The following EVC variants were observed in gnomAD, a reference collection of about 807,000 sequenced individuals.
EVC encodes the protein evC complex member EVC.
Under a neutral mutation model 118.9 loss-of-function variants are expected in EVC, and 116 were observed. The ratio of observed to expected loss-of-function variants is 0.98; its 90% CI spans 0.84 to 1.14. EVC has a LOEUF of 1.14. Ranked by LOEUF, EVC falls within the 50% of genes most tolerant of loss-of-function variation. The pLI is 0.00. For synonymous variants in EVC, 619 were observed against 534.7 expected (o/e 1.16, Z -2.18); for missense variants, 1,401 against 1,246.4 (o/e 1.12, Z -1.87).
chr4:5,723,570 C>T (rs867415873), intron 2 of EVC, among the ~76,000 whole-genome samples: 1 of 152,132 alleles, frequency 6.6e-6, no homozygotes, highest in Non-Finnish European at 1.5e-5. Flanking sequence ...TTGCTTTTCT[C>T]TCATGGTCAT....
the EVC span, chr4:5,820,798 TTTTC>T: frequency 6.8e-6 from 1 of 146,000 alleles, no homozygotes; most frequent in Non-Finnish European, 1.5e-5. Context: ...GGGCAGTTCA[TTTTC>T]TTTATTTTTT....
chr4:5,793,511 ACG>A lies in EVC; in HGVS notation c.1777-95_1777-94del, dbSNP rs1713175675. On this transcript the variant is annotated intron_variant, in intron 12 of 20. Coordinates refer to ENST00000264956, the MANE Select transcript of EVC (RefSeq NM_153717.3). ...GGGCAGAAAGGGATTTAAAAAAGAAACGCACACAAACAAGAAACAAAATGCAC... is the reference window on the plus strand; with the variant it reads ...GGGCAGAAAGGGATTTAAAAAAGAAACACACAAACAAGAAACAAAATGCAC... 4 of 1,017,934 alleles carry A rather than the reference ACG, an allele frequency of 3.9e-6. No individual in the cohort carries two copies. In the South Asian group the frequency reaches 5.5e-5, roughly 14 times the overall value. 63.1% of individuals were successfully genotyped at this position (1,017,934 alleles called of 1,614,324 possible).
At position 5,755,623 on chromosome 4, in the gene EVC, G is replaced by A. The variant is rs138113465; in HGVS notation, c.1465-641G>A. ...GCCTGGCTCCCCATCTTCCCTCCAA[G>A]GAGTCCTTCCTTGTCCTTAGAGACT... On this transcript the variant is annotated intron_variant, in intron 10 of 20. Coordinates refer to ENST00000264956, the MANE Select transcript of EVC (RefSeq NM_153717.3). The surrounding 1 kb of genome is among the most constrained non-coding windows in gnomAD (Gnocchi z 4.1). 7.0e-4 allele frequency among the ~76,000 whole-genome samples: 107 copies of A among 152,164 alleles called. 2 individuals carry two copies. The highest frequency in any genetic ancestry group is 1.2e-3 in the Non-Finnish European group (81 of 67,968).
At chr4:5,827,663 C>CAA in the EVC span, among the ~76,000 whole-genome samples, 1 of 152,010 alleles carries the variant, frequency 6.6e-6, no homozygotes. Flanking sequence ...TCCCCATATG[C>CAA]ACACATACAC....
rs189921511 is a variant in EVC, at chr4:5,813,771, G to A, written c.*2734G>A. On this transcript the variant is annotated 3_prime_UTR_variant, in exon 21 of 21. Transcript: ENST00000264956. ...CTGTCGCATGGAGCATTTTGCTTCT[G>A]GGGTGTCTTCCTTAGCCAAAGGGAA... The A allele has an allele frequency of 3.3e-5, 5 of 152,322 alleles. No individual in the cohort carries two copies. The highest frequency in any genetic ancestry group is 5.9e-5 in the Non-Finnish European group (4 of 68,056). The allele number at this position is 152,322 out of a possible 1,614,324, so 9.4% of individuals were successfully genotyped here.
intron 11 of EVC, among the ~76,000 whole-genome samples, chr4:5,778,283 G>C (rs1217449205): frequency 6.6e-6 from 1 of 151,902 alleles, no homozygotes; most frequent in Non-Finnish European, 1.5e-5. Flanking sequence ...ATTGTGAATA[G>C]TGCCGCAGTA....
chr4:5,755,790 G>A lies in EVC; in HGVS notation c.1465-474G>A, dbSNP rs1472742751. Among the ~76,000 whole-genome samples, 1 of 152,164 alleles carries A rather than the reference G, an allele frequency of 6.6e-6. No homozygotes were observed. The highest frequency in any genetic ancestry group is 2.4e-5 in the African/African-American group (1 of 41,444). On this transcript the variant is annotated intron_variant, in intron 10 of 20. Coordinates refer to ENST00000264956, the MANE Select transcript of EVC (RefSeq NM_153717.3). This position sits in a 1 kb window ranked among gnomAD's most constrained non-coding sequence, Gnocchi z 4.1. Reference sequence around the variant, plus strand: ...CTGGGTCTCCCCCTGCTGATGCCCGGGTTAGCCCAGTCTCCTGCTGCTCTG... The same window carrying A: ...CTGGGTCTCCCCCTGCTGATGCCCGAGTTAGCCCAGTCTCCTGCTGCTCTG...
chr4:5,736,625 T>C (rs1017167411), intron 5 of EVC, among the ~76,000 whole-genome samples: 4 of 152,162 alleles, frequency 2.6e-5, no homozygotes, highest in African/African-American at 9.7e-5. Flanking sequence ...GACATTTTGG[T>C]AATTCTTGCA....
At chr4:5,819,888 C>T in the EVC span, among the ~76,000 whole-genome samples, 9 of 152,212 alleles carry the variant, frequency 5.9e-5, no homozygotes, top group Non-Finnish European at 1.3e-4. Context: ...CTTCTTTCAA[C>T]CTTGACAAAG....
At chr4:5,729,240 A>C in intron 2 of EVC, 67 bp from the exon 3 acceptor site, 1 of 1,518,606 alleles carries the variant, frequency 6.6e-7, no homozygotes, top group Non-Finnish European at 9.1e-7. Flanking sequence ...GCATTTTGGA[A>C]AAACTTGACA....
chr4:5,741,599 G>A, intron 5 of EVC, 117 bp from the exon 6 acceptor site: 1 of 645,054 alleles, frequency 1.6e-6, no homozygotes, highest in Non-Finnish European at 2.8e-6. Flanking sequence ...GGGTGAAAGA[G>A]AAGAAAAGAA....
chr4:5,802,570 G>A (rs1222561702), intron 16 of EVC, among the ~76,000 whole-genome samples: 2 of 137,070 alleles, frequency 1.5e-5, no homozygotes, highest in Non-Finnish European at 3.3e-5. Context: ...TGTAGAATCA[G>A]TGGGAGCCCT....
At chr4:5,714,621 A>G (rs1350651918) in intron 1 of EVC, among the ~76,000 whole-genome samples, 4 of 150,770 alleles carry the variant, frequency 2.7e-5, no homozygotes, top group East Asian at 1.9e-4. Flanking sequence ...CCACCACCAC[A>G]CTCTCAATAC....
At chr4:5,729,660 A>G (rs1440933139) in intron 3 of EVC, among the ~76,000 whole-genome samples, 1 of 152,142 alleles carries the variant, frequency 6.6e-6, no homozygotes, top group Non-Finnish European at 1.5e-5. Context: ...ACACTAATAC[A>G]AACACTGATA....
chr4:5,787,677 C>T (rs1171733281), intron 12 of EVC, among the ~76,000 whole-genome samples: 1 of 152,154 alleles, frequency 6.6e-6, no homozygotes, highest in African/African-American at 2.4e-5. Context: ...TTATAGCAGC[C>T]ACAGGAAACT....
intron 11 of EVC, among the ~76,000 whole-genome samples, chr4:5,768,053 G>A (rs55941772): frequency 0.07 from 10,670 of 152,196 alleles, 461 homozygotes; most frequent in African/African-American, 0.1. Context: ...ACAGCTTTGT[G>A]CAGCATGTGT....
At chr4:5,768,546 G>A (rs1679429969) in intron 11 of EVC, among the ~76,000 whole-genome samples, 1 of 152,044 alleles carries the variant, frequency 6.6e-6, no homozygotes, top group African/African-American at 2.4e-5. Context: ...AGAGTGTTGG[G>A]CACACACTGA....
intron 8 of EVC, among the ~76,000 whole-genome samples, chr4:5,751,005 C>T (rs745673706): frequency 6.6e-6 from 1 of 152,040 alleles, no homozygotes; most frequent in Non-Finnish European, 1.5e-5. Context: ...AAGAGCCCTT[C>T]AAAGGGACCC....
chr4:5,786,780 G>A (rs71599829), intron 12 of EVC, among the ~76,000 whole-genome samples: 9,567 of 151,438 alleles, frequency 0.063, 436 homozygotes, highest in South Asian at 0.11. Context: ...GCTGAGGCAG[G>A]AGAATGGCGT....
Sources: allele counts gnomAD v4.1 joint callset (sites outside exome capture counted in the v4.1 genomes callset), GRCh38; gene constraint gnomAD v4.1.1; non-coding constraint Gnocchi (gnomAD v3.1); transcripts MANE v1.5; gene names NCBI Gene and HGNC (gene_info 2026-07-23, HGNC 2026-07-21).